The following LRPPRC variants were observed in gnomAD, a reference collection of about 807,000 sequenced individuals.
The protein encoded by LRPPRC is leucine-rich PPR motif-containing protein, mitochondrial.
LRPPRC carries 120 observed loss-of-function variants against 180.3 expected under a neutral mutation model. That is an observed-to-expected ratio of 0.67 (90% CI 0.57 to 0.77). LRPPRC has a LOEUF of 0.77. LRPPRC is among the 30% of genes least tolerant of loss of function. The pLI, the probability that LRPPRC is intolerant of heterozygous loss-of-function variation, is 0.00. For missense variants in LRPPRC, 2,012 were observed against 1,657.2 expected, an observed-to-expected ratio of 1.21 and a Z score of -3.72; for synonymous variants, 723 against 600.0, an observed-to-expected ratio of 1.21 and a Z score of -3.00.
At chr2:43,902,565 TAAAG>T (rs1219397814) in intron 31 of LRPPRC, 1 of 152,148 alleles carries the variant, frequency 6.6e-6, no homozygotes, top group Admixed American at 6.5e-5. Flanking sequence ...CATTAATGAA[TAAAG>T]AATTTATGAT....
At chr2:43,903,903 T>C (rs1444918242) in intron 31 of LRPPRC, 5 of 152,216 alleles carry the variant, frequency 3.3e-5, no homozygotes, top group Non-Finnish European at 7.3e-5. Context: ...TGTTTTAAAA[T>C]TGTTTATCAT....
chr2:43,896,846 ATTTT>A, intron 34 of LRPPRC, 138 bp from the exon 35 acceptor site: 1 of 645,958 alleles, frequency 1.5e-6, no homozygotes, highest in African/African-American at 1.8e-5. Flanking sequence ...GTCGACTATT[ATTTT>A]TTAAGGCAAG....
chr2:43,890,421 A>C (rs961731990), intron 36 of LRPPRC: 15 of 457,782 alleles, frequency 3.3e-5, no homozygotes, highest in South Asian at 1.6e-4. Flanking sequence ...CACACACACA[A>C]AAAACCTATA....
In LRPPRC at chr2:43,976,248, G is replaced by A; in HGVS notation, c.651-19C>T. The A allele has an allele frequency of 1.5e-6, 2 of 1,338,008 alleles. No homozygotes were observed. The highest frequency in any genetic ancestry group is 2.3e-5 in the South Asian group (2 of 85,522). 82.9% of individuals were successfully genotyped at this position (1,338,008 alleles called of 1,614,324 possible). On this transcript the variant is annotated intron_variant, in intron 5 of 37. Transcript: ENST00000260665. Reference sequence around the variant, plus strand: ...AATCTTGCTGCAAAGGAAAAACGAAGATACTCATTGAAAGTATTTATAAGA... The same window carrying A: ...AATCTTGCTGCAAAGGAAAAACGAAAATACTCATTGAAAGTATTTATAAGA...
chr2:43,956,478 CGTGTGTGT>C (rs56919652), intron 14 of LRPPRC, among the ~76,000 whole-genome samples: 422 of 142,570 alleles, frequency 3.0e-3, no homozygotes, highest in African/African-American at 4.2e-3. Flanking sequence ...AAGAAAAAAA[CGTGTGTGT>C]GTGTGTGTGT....
chr2:43,943,711 G>A lies in LRPPRC; in HGVS notation c.2480C>T (p.Pro827Leu), dbSNP rs146022598. The A allele has an allele frequency of 6.2e-7, 1 of 1,613,200 alleles. No homozygotes were observed. The highest frequency in any genetic ancestry group is 8.5e-7 in the Non-Finnish European group (1 of 1,179,222). ...LAEPSTNISF[P>L]LVTVHLEKGD... ...CTTTTCCAAGTGTACAGTGACCAAT[G>A]GGAAACTTATGTTGGTGGATGGTTC... The change falls in exon 23 of 38, where the codon CCA (proline) becomes CTA (leucine). Residue 827 changes from proline to leucine, a missense_variant. Physicochemically the swap from Pro to Leu is moderately conservative, Grantham distance 98. Transcript: ENST00000260665.
intron 5 of LRPPRC, 69 bp from the exon 6 acceptor site, chr2:43,976,298 T>TG: frequency 1.2e-6 from 1 of 864,318 alleles, no homozygotes; most frequent in Non-Finnish European, 2.0e-6. Flanking sequence ...ATGTACAGAA[T>TG]TAGGCCTTGA....
chr2:43,893,043 A>T (rs13396356), intron 36 of LRPPRC, among the ~76,000 whole-genome samples: 5,443 of 152,298 alleles, frequency 0.036, 144 homozygotes, highest in Non-Finnish European at 0.057. Flanking sequence ...CTGTGGAGGA[A>T]ATCACTGCAG....
At chr2:43,959,782 G>A (rs1673263498) in intron 13 of LRPPRC, among the ~76,000 whole-genome samples, 1 of 152,140 alleles carries the variant, frequency 6.6e-6, no homozygotes, top group African/African-American at 2.4e-5. Flanking sequence ...TACTCGGGAG[G>A]CTGAGGCAGG....
chr2:43,915,800 G>A (rs549923198), intron 29 of LRPPRC, among the ~76,000 whole-genome samples: 44 of 151,848 alleles, frequency 2.9e-4, no homozygotes, highest in African/African-American at 9.9e-4. Flanking sequence ...TTCTTTTTTT[G>A]AGATAGGGTC....
intron 1 of LRPPRC, among the ~76,000 whole-genome samples, chr2:43,985,629 T>G (rs1244169873): frequency 1.3e-5 from 2 of 152,194 alleles, no homozygotes; most frequent in Non-Finnish European, 2.9e-5. Context: ...CAATACACAT[T>G]TAAGGTTCCT....
At chr2:43,967,140 T>G (rs949744999) in intron 11 of LRPPRC, among the ~76,000 whole-genome samples, 1 of 152,192 alleles carries the variant, frequency 6.6e-6, no homozygotes, top group Non-Finnish European at 1.5e-5. Context: ...GGCTCATGCT[T>G]GTAATCCCAG....
chr2:43,976,694 C>T (rs554619913), intron 5 of LRPPRC, among the ~76,000 whole-genome samples: 1 of 150,342 alleles, frequency 6.7e-6, no homozygotes, highest in African/African-American at 2.5e-5. Flanking sequence ...AAGAACATTT[C>T]CCTTAGGAAA....
At chr2:43,969,067 A>T (rs1673683529) in intron 11 of LRPPRC, among the ~76,000 whole-genome samples, 1 of 152,218 alleles carries the variant, frequency 6.6e-6, no homozygotes, top group Non-Finnish European at 1.5e-5. Context: ...TGAATCTTCT[A>T]ACAAAAGTAT....
Position 43,977,487 on chromosome 2 carries a change from C to T in LRPPRC, c.470-211G>A, listed in dbSNP as rs563134315. 9.2e-5 allele frequency among the ~76,000 whole-genome samples: 14 copies of T among 152,262 alleles called. No individual in the cohort carries two copies. The East Asian group carries it at 2.7e-3, about 29-fold the overall frequency. ...TAATTACTGAGTTACTGTATAGTTACAAGTAACTGCCTATTCGGATATTAA... is the reference window on the plus strand; with the variant it reads ...TAATTACTGAGTTACTGTATAGTTATAAGTAACTGCCTATTCGGATATTAA... On this transcript the variant is annotated intron_variant, in intron 3 of 37. Coordinates refer to ENST00000260665, the MANE Select transcript of LRPPRC (RefSeq NM_133259.4).
At chr2:43,960,306 G>A (rs1394874441) in intron 13 of LRPPRC, among the ~76,000 whole-genome samples, 2 of 152,096 alleles carry the variant, frequency 1.3e-5, no homozygotes, top group African/African-American at 4.8e-5. Context: ...CGTCTTCAGG[G>A]TCTCCAGGTC....
chr2:43,984,140 A>C (rs987314786), intron 1 of LRPPRC, among the ~76,000 whole-genome samples: 1 of 152,074 alleles, frequency 6.6e-6, no homozygotes, highest in African/African-American at 2.4e-5. Context: ...AGTTGTTACT[A>C]AACTATCCCC....
intron 14 of LRPPRC, among the ~76,000 whole-genome samples, chr2:43,952,672 A>G (rs1263467084): frequency 6.6e-6 from 1 of 152,166 alleles, no homozygotes; most frequent in Non-Finnish European, 1.5e-5. Flanking sequence ...TAAGTGCATT[A>G]TATTTTTTAT....
At chr2:43,916,801 T>C (rs895916801) in intron 29 of LRPPRC, among the ~76,000 whole-genome samples, 1 of 151,594 alleles carries the variant, frequency 6.6e-6, no homozygotes, top group Non-Finnish European at 1.5e-5. Flanking sequence ...AAAAATTGGC[T>C]GAGTGTGGTG....
Sources: gnomAD v4.1 joint callset for allele counts (sites outside exome capture counted in the v4.1 genomes callset) on GRCh38, gnomAD v4.1.1 for gene constraint, MANE v1.5 for transcripts, NCBI Gene and HGNC (gene_info 2026-07-23, HGNC 2026-07-21) for gene names.